The following STIL variants were observed in gnomAD, a reference collection of about 807,000 sequenced individuals.
STIL encodes SCL-interrupting locus protein.
In STIL, 55 loss-of-function variants were observed where a neutral mutation model predicts 110.1. That is an observed-to-expected ratio of 0.50 (90% CI 0.40 to 0.63). The LOEUF (loss-of-function observed/expected upper bound fraction) is 0.63, where lower values mean the gene tolerates loss of function less well. Among genes scored for constraint, STIL ranks in the 20% least tolerant of loss-of-function variants. The pLI, the probability that STIL is intolerant of heterozygous loss-of-function variation, is 0.00. For synonymous variants in STIL, 481 were observed against 530.0 expected (o/e 0.91, Z 1.27); for missense variants, 1,358 against 1,530.0 (o/e 0.89, Z 1.87).
intron 8 of STIL, 123 bp from the exon 9 acceptor site, chr1:47,289,708 A>C (rs1344653019): frequency 1.1e-6 from 1 of 944,124 alleles, no homozygotes; most frequent in African/African-American, 1.6e-5. Context: ...TTTGTTCAAA[A>C]ACTGGGGTCC....
chr1:47,262,794 A>G, intron 15 of STIL, 109 bp downstream of exon 15: 3 of 982,458 alleles, frequency 3.1e-6, no homozygotes, highest in East Asian at 2.5e-5. Flanking sequence ...TAGACAAAAA[A>G]TCTTTTTATC....
In STIL at chr1:47,302,355, C is replaced by A. The variant is rs1185586790; in HGVS notation, c.153-9G>T. The A allele has an allele frequency of 8.7e-6, 14 of 1,605,464 alleles. No individual in the cohort carries two copies. Among genetic ancestry groups the A allele is most frequent in the Non-Finnish European group, 1.2e-5 (14 of 1,172,190 alleles). The stretch of plus-strand genomic sequence containing the variant: ...CCACAAGCTTTGGATTTCTGAAAAA[C>A]AACAAGTCTTTTATGAATATGGTAG... On this transcript the variant is annotated splice_polypyrimidine_tract_variant and intron_variant, in intron 3 of 16. Transcript: ENST00000371877.
At chr1:47,271,534 G>A (rs952198627) in intron 13 of STIL, among the ~76,000 whole-genome samples, 23 of 143,408 alleles carry the variant, frequency 1.6e-4, no homozygotes, top group Admixed American at 5.1e-4. Context: ...ACTCCAGCCT[G>A]TGTGACGGAG....
chr1:47,282,063 G>A (rs1364158491), intron 11 of STIL, among the ~76,000 whole-genome samples: 1 of 151,902 alleles, frequency 6.6e-6, no homozygotes, highest in Non-Finnish European at 1.5e-5. Flanking sequence ...TCTTGGGTAG[G>A]TAACTTAACC....
chr1:47,312,810 A>T (rs1335648982), intron 1 of STIL: 1 of 152,218 alleles, frequency 6.6e-6, no homozygotes, highest in Non-Finnish European at 1.5e-5. Context: ...ACCACACAAC[A>T]TCTACACCTA....
rs1258167278 is a variant in STIL at position 47,304,973 on chromosome 1, G to A, written c.68C>T (p.Pro23Leu). 3.7e-6 allele frequency: 6 copies of A among 1,613,718 alleles called. No homozygotes were observed. The highest frequency in any genetic ancestry group is 2.7e-5 in the African/African-American group (2 of 74,848). Residue 23 changes from proline to leucine, a missense_variant, in exon 3 of 17, where the codon CCT (proline) becomes CTT (leucine). Pro to Leu is a moderately conservative substitution (Grantham distance 98). Coordinates refer to ENST00000371877, the MANE Select transcript of STIL (RefSeq NM_001048166.1). ...ACATTTTGATGGAGGAAAGTGGAAA[G>A]GTACCATCCTGCTTGAAGGAAACCT... ...NTRFPSSRMV[P>L]FHFPPSKCAL...
chr1:47,282,778 C>G (rs1345882525), intron 10 of STIL: 1 of 277,024 alleles, frequency 3.6e-6, no homozygotes, highest in African/African-American at 2.2e-5. Context: ...AGACTTAGTA[C>G]TTGCTGTCAA....
intron 14 of STIL, among the ~76,000 whole-genome samples, chr1:47,264,952 AAAC>A (rs1282760831): frequency 6.8e-6 from 1 of 146,178 alleles, no homozygotes; most frequent in Non-Finnish European, 1.5e-5. Context: ...AAAAAAGCCA[AAAC>A]AAGGGCATGG....
chr1:47,279,008 A>G (rs1645069387), intron 12 of STIL, among the ~76,000 whole-genome samples: 1 of 152,042 alleles, frequency 6.6e-6, no homozygotes. Flanking sequence ...TTAAAAAATC[A>G]TATGTATGGC....
chr1:47,296,019 G>C (rs543873723), intron 6 of STIL, among the ~76,000 whole-genome samples, 171 bp from the exon 7 acceptor site: 11 of 152,230 alleles, frequency 7.2e-5, no homozygotes, highest in South Asian at 4.1e-4. Context: ...AAAGACTCTG[G>C]TAAGAGGAAG....
intron 14 of STIL, among the ~76,000 whole-genome samples, chr1:47,267,691 T>C (rs1047165039): frequency 2.5e-5 from 3 of 120,104 alleles, no homozygotes; most frequent in Admixed American, 8.4e-5. Context: ...AAAAAAAAAA[T>C]TTACTTTAGA....
In STIL at chr1:47,270,241, AAT is replaced by A. The variant is rs55650175; in HGVS notation, c.2384-377_2384-376del. 5.1e-3 allele frequency among the ~76,000 whole-genome samples: 603 copies of A among 118,592 alleles called. 15 individuals are homozygous for A. The East Asian group carries it at 0.065, about 13-fold the overall frequency. 77.8% of individuals were successfully genotyped at this position (118,592 alleles called of 152,430 possible). ...CAACTCTGGCTCAAAAAAAAAAAAA[AAT>A]ATATATATATATACACACACACACA... On this transcript the variant is annotated intron_variant, in intron 13 of 16. Transcript: ENST00000371877.
chr1:47,299,273 G>A (rs1351708786), intron 6 of STIL, among the ~76,000 whole-genome samples: 2 of 151,742 alleles, frequency 1.3e-5, no homozygotes, highest in Non-Finnish European at 2.9e-5. Flanking sequence ...CTTGAACCAG[G>A]GAGGTGGAGG....
At position 47,250,761 on chromosome 1, in the gene STIL, T is replaced by C. The variant is rs896648395; in HGVS notation, c.*375A>G. The C allele has an allele frequency of 5.2e-6, 1 of 192,140 alleles. No homozygotes were observed. The highest frequency in any genetic ancestry group is 1.1e-5 in the Non-Finnish European group (1 of 91,932). The allele number at this position is 192,140 out of a possible 1,614,324, so 11.9% of individuals were successfully genotyped here. On this transcript the variant is annotated 3_prime_UTR_variant, in exon 17 of 17. Transcript: ENST00000371877. ...TGAACCCAGGAGGCAGAGGTTGCAGTGATCTGAGATCCTGCCATTGCACTC... is the reference window on the plus strand; with the variant it reads ...TGAACCCAGGAGGCAGAGGTTGCAGCGATCTGAGATCCTGCCATTGCACTC...
intron 3 of STIL, among the ~76,000 whole-genome samples, chr1:47,304,358 TGATTACA>T (rs1211539572): frequency 6.6e-6 from 1 of 151,832 alleles, no homozygotes; most frequent in African/African-American, 2.4e-5. Context: ...TACACCTGTG[TGATTACA>T]GAAAAGCATC....
chr1:47,285,903 C>CT (rs1231431603), intron 10 of STIL, among the ~76,000 whole-genome samples: 17 of 151,708 alleles, frequency 1.1e-4, no homozygotes, highest in Admixed American at 1.1e-3. Context: ...GAGACAGGGT[C>CT]TTACTCTGTT....
intron 1 of STIL, among the ~76,000 whole-genome samples, chr1:47,311,274 T>C (rs1042293679): frequency 1.6e-5 from 2 of 127,482 alleles, no homozygotes; most frequent in African/African-American, 6.8e-5. Flanking sequence ...CATTTTCTTT[T>C]CTTTTTTTCT....
chr1:47,299,794 G>A, intron 6 of STIL, 111 bp downstream of exon 6: 1 of 1,136,944 alleles, frequency 8.8e-7, no homozygotes, highest in Non-Finnish European at 1.3e-6. Flanking sequence ...TATTAACCAA[G>A]CCACCATATC....
chr1:47,263,824 C>G (rs1431914264), intron 14 of STIL, among the ~76,000 whole-genome samples: 3 of 138,048 alleles, frequency 2.2e-5, no homozygotes, highest in Non-Finnish European at 4.5e-5. Flanking sequence ...GTCATCTCGG[C>G]TGACTGTAAC....
Sources: gnomAD v4.1 joint callset for allele counts (sites outside exome capture counted in the v4.1 genomes callset) on GRCh38, gnomAD v4.1.1 for gene constraint, MANE v1.5 for transcripts, NCBI Gene and HGNC (gene_info 2026-07-23, HGNC 2026-07-21) for gene names.